Variants in TANGO6 observed in about 807,000 individuals in gnomAD.
TANGO6 encodes the protein transport and golgi organization 6 homolog.
In TANGO6, 90 loss-of-function variants were observed where a neutral mutation model predicts 114.2. The ratio of observed to expected loss-of-function variants is 0.79; its 90% CI spans 0.66 to 0.94. The LOEUF (loss-of-function observed/expected upper bound fraction) is 0.94, where lower values mean the gene tolerates loss of function less well. TANGO6 is among the 40% of genes least tolerant of loss of function. TANGO6 has a pLI of 0.00. For synonymous variants in TANGO6, 477 were observed against 509.8 expected (o/e 0.94, Z 0.87); for missense variants, 1,274 against 1,315.3 (o/e 0.97, Z 0.49).
chr16:68,899,565 T>C (rs545656499), intron 7 of TANGO6, among the ~76,000 whole-genome samples: 5 of 152,046 alleles, frequency 3.3e-5, no homozygotes, highest in African/African-American at 7.2e-5. Context: ...CACTTAACCA[T>C]GTAGAGCCAG....
At chr16:69,002,484 G>C (rs9935285) in intron 15 of TANGO6, among the ~76,000 whole-genome samples, 2 of 151,984 alleles carry the variant, frequency 1.3e-5, no homozygotes, top group East Asian at 3.9e-4. Flanking sequence ...TTAAGTGAGT[G>C]AGTTCTCTTA....
intron 2 of TANGO6, among the ~76,000 whole-genome samples, chr16:68,861,697 CAG>C (rs887026084): frequency 6.6e-6 from 1 of 152,126 alleles, no homozygotes; most frequent in Non-Finnish European, 1.5e-5. Context: ...AAGGAGTTGA[CAG>C]AGGGAAAACA....
intron 17 of TANGO6, among the ~76,000 whole-genome samples, chr16:69,069,524 C>A (rs1426048817): frequency 6.6e-6 from 1 of 152,164 alleles, no homozygotes; most frequent in South Asian, 2.1e-4. Context: ...CTCTTCTGGA[C>A]CTCAATCTAG....
chr16:69,019,686 T>A (rs557598524), intron 15 of TANGO6, among the ~76,000 whole-genome samples: 1 of 151,138 alleles, frequency 6.6e-6, no homozygotes, highest in Non-Finnish European at 1.5e-5. Context: ...TTGGGCATCT[T>A]CTTTTCTCCT....
intron 14 of TANGO6, among the ~76,000 whole-genome samples, chr16:68,958,171 CAAA>C (rs760496722): frequency 8.2e-6 from 1 of 122,542 alleles, no homozygotes. Flanking sequence ...AACTCCATCT[CAAA>C]AAAAAAAAAC....
chr16:69,008,233 T>A (rs1290699428), intron 15 of TANGO6, among the ~76,000 whole-genome samples: 2 of 152,226 alleles, frequency 1.3e-5, no homozygotes, highest in African/African-American at 2.4e-5. Context: ...CACAGCCTCC[T>A]TCACTATCAA....
At chr16:69,000,707 T>C (rs572210869) in intron 15 of TANGO6, among the ~76,000 whole-genome samples, 47 of 152,270 alleles carry the variant, frequency 3.1e-4, no homozygotes, top group African/African-American at 1.1e-3. Context: ...TACTCCTGCC[T>C]CAGCCTCCTG....
intron 15 of TANGO6, among the ~76,000 whole-genome samples, chr16:69,019,523 G>GA (rs997593742): frequency 2.6e-5 from 4 of 151,642 alleles, no homozygotes; most frequent in African/African-American, 4.8e-5. Context: ...AAACAAAAAC[G>GA]AAAAAAAACA....
chr16:68,955,557 G>A (rs964055342), intron 14 of TANGO6, among the ~76,000 whole-genome samples: 26 of 152,324 alleles, frequency 1.7e-4, no homozygotes, highest in Non-Finnish European at 3.5e-4. Context: ...GAGACGATCA[G>A]TTGGGTCACT....
chr16:68,949,212 T>A (rs769965456), intron 14 of TANGO6, among the ~76,000 whole-genome samples: 2 of 151,926 alleles, frequency 1.3e-5, no homozygotes, highest in African/African-American at 4.8e-5. Flanking sequence ...AAGAAAGAAG[T>A]CAATCCTGGG....
At chr16:68,861,633 G>A (rs942436073) in intron 2 of TANGO6, among the ~76,000 whole-genome samples, 2 of 152,200 alleles carry the variant, frequency 1.3e-5, no homozygotes, top group Non-Finnish European at 2.9e-5. Context: ...TCTCAGGCAG[G>A]AGAGAGAAAT....
chr16:68,856,249 C>T (rs1961990298), intron 1 of TANGO6, among the ~76,000 whole-genome samples: 1 of 152,166 alleles, frequency 6.6e-6, no homozygotes, highest in Admixed American at 6.6e-5. Flanking sequence ...TCCGTGGATA[C>T]CCTTTATCAG....
At chr16:68,985,012 A>G (rs889510410) in intron 15 of TANGO6, among the ~76,000 whole-genome samples, 1 of 144,912 alleles carries the variant, frequency 6.9e-6, no homozygotes, top group African/African-American at 2.6e-5. Flanking sequence ...GTACTTTCCT[A>G]TGTCATTAAA....
At chr16:68,961,517 A>G (rs974343331) in intron 14 of TANGO6, among the ~76,000 whole-genome samples, 2 of 152,262 alleles carry the variant, frequency 1.3e-5, no homozygotes, top group Non-Finnish European at 2.9e-5. Context: ...TGTACAAGGC[A>G]TATTGAAAAC....
At chr16:68,864,921 AAG>A (rs1239242758) in intron 3 of TANGO6, among the ~76,000 whole-genome samples, 1 of 152,156 alleles carries the variant, frequency 6.6e-6, no homozygotes, top group East Asian at 1.9e-4. Flanking sequence ...AATTCAATAA[AAG>A]AGAGAGGACA....
chr16:68,904,204 T>C (rs1962820042), intron 9 of TANGO6, among the ~76,000 whole-genome samples: 1 of 152,146 alleles, frequency 6.6e-6, no homozygotes, highest in Non-Finnish European at 1.5e-5. Flanking sequence ...CCTCCTGGGT[T>C]CAAGCAATTC....
intron 15 of TANGO6, among the ~76,000 whole-genome samples, chr16:69,009,827 C>A (rs1202488149): frequency 6.6e-6 from 1 of 152,156 alleles, no homozygotes; most frequent in East Asian, 1.9e-4. Flanking sequence ...TCAGAATATT[C>A]ATTGCTAACC....
At chr16:68,847,820 C>T (rs1227702831) in intron 1 of TANGO6, among the ~76,000 whole-genome samples, 6 of 151,756 alleles carry the variant, frequency 4.0e-5, no homozygotes, top group Non-Finnish European at 5.9e-5. Context: ...GCCAACATGG[C>T]GAAACCCCGT....
chr16:68,956,186 A>G lies in TANGO6; in HGVS notation c.2702-17842A>G, dbSNP rs144760202. 8.9e-3 allele frequency among the ~76,000 whole-genome samples: 1,360 copies of G among 152,228 alleles called. 19 individuals are homozygous for G. Among genetic ancestry groups the G allele is most frequent in the African/African-American group, 0.031 (1,286 of 41,550 alleles). The stretch of plus-strand genomic sequence containing the variant: ...AACAAAAAATAAAAACAACTATTAC[A>G]TAGGGTAACATATTTAAAACACTTT... On this transcript the variant is annotated intron_variant, in intron 14 of 17. Coordinates refer to ENST00000261778, the MANE Select transcript of TANGO6 (RefSeq NM_024562.2).
Sources: gnomAD v4.1 joint callset for allele counts (sites outside exome capture counted in the v4.1 genomes callset) on GRCh38, gnomAD v4.1.1 for gene constraint, MANE v1.5 for transcripts, NCBI Gene and HGNC (gene_info 2026-07-23, HGNC 2026-07-21) for gene names.